ARAP2: variants seen among roughly 807,000 people sequenced by gnomAD.
The protein encoded by ARAP2 is arf-GAP with Rho-GAP domain, ANK repeat and PH domain-containing protein 2.
Under a neutral mutation model 194.5 loss-of-function variants are expected in ARAP2, and 148 were observed. The ratio of observed to expected loss-of-function variants is 0.76; its 90% CI spans 0.67 to 0.87. The LOEUF (loss-of-function observed/expected upper bound fraction) is 0.87. ARAP2 is among the 40% of genes least tolerant of loss of function. ARAP2 has a pLI of 0.00. For synonymous variants in ARAP2, 695 were observed against 683.5 expected (o/e 1.02, Z -0.26); for missense variants, 2,128 against 1,989.7 (o/e 1.07, Z -1.32).
At chr4:36,100,897 C>T (rs2109430051) in intron 27 of ARAP2, among the ~76,000 whole-genome samples, 1 of 152,038 alleles carries the variant, frequency 6.6e-6, no homozygotes, top group South Asian at 2.1e-4. Flanking sequence ...AGTATGCCCC[C>T]TTCACTCCAA....
chr4:36,095,737 T>C (rs1217230949), intron 27 of ARAP2, among the ~76,000 whole-genome samples: 1 of 152,164 alleles, frequency 6.6e-6, no homozygotes, highest in East Asian at 1.9e-4. Context: ...TTTGTCAGTA[T>C]ATCTCCAGTC....
intron 13 of ARAP2, chr4:36,159,799 A>G (rs1375074300): frequency 4.9e-6 from 1 of 205,666 alleles, no homozygotes; most frequent in Non-Finnish European, 9.6e-6. Flanking sequence ...ATGCTTACAT[A>G]CTATGATAAT....
At chr4:36,013,896 T>C (rs9992098) in intron 8 of ARAP2, among the ~76,000 whole-genome samples, 25,138 of 151,938 alleles carry the variant, frequency 0.17, 4,586 homozygotes, top group African/African-American at 0.46. Flanking sequence ...TTAGAACATA[T>C]TTCTCATCAA....
intron 5 of ARAP2, among the ~76,000 whole-genome samples, chr4:36,033,349 G>T (rs999871660): frequency 6.6e-6 from 1 of 152,086 alleles, no homozygotes; most frequent in Non-Finnish European, 1.5e-5. Flanking sequence ...CATTCTGACT[G>T]GTGTGAGATG....
intron 15 of ARAP2, among the ~76,000 whole-genome samples, chr4:36,154,139 T>C (rs994255180): frequency 2.0e-5 from 3 of 152,128 alleles, no homozygotes; most frequent in Non-Finnish European, 2.9e-5. Flanking sequence ...ACTCAAAAAA[T>C]GTATTACGGT....
intron 6 of ARAP2, chr4:36,016,075 T>TGCCA (rs1246341115): frequency 1.3e-5 from 2 of 152,126 alleles, no homozygotes; most frequent in Non-Finnish European, 2.9e-5. Context: ...ATACACACAT[T>TGCCA]AGAGTACATG....
At chr4:36,219,071 AC>A (rs1223419845) in intron 2 of ARAP2, among the ~76,000 whole-genome samples, 1 of 152,204 alleles carries the variant, frequency 6.6e-6, no homozygotes, top group Non-Finnish European at 1.5e-5. Flanking sequence ...AACAAAAAAC[AC>A]ACAAATGTTG....
chr4:36,022,629 C>T (rs1717193925), intron 5 of ARAP2, among the ~76,000 whole-genome samples: 1 of 152,070 alleles, frequency 6.6e-6, no homozygotes, highest in South Asian at 2.1e-4. Context: ...AGTCTTTTCT[C>T]AAGAAAGTCA....
chr4:36,150,106 C>G (rs1340000371), intron 16 of ARAP2, among the ~76,000 whole-genome samples: 1 of 152,050 alleles, frequency 6.6e-6, no homozygotes, highest in Non-Finnish European at 1.5e-5. Flanking sequence ...TTAATCTATT[C>G]ATTGTTACTT....
At chr4:36,179,544 C>A (rs145936021) in intron 8 of ARAP2, among the ~76,000 whole-genome samples, 55 of 152,280 alleles carry the variant, frequency 3.6e-4, no homozygotes, top group Non-Finnish European at 1.0e-4. Context: ...AAGAAACTGG[C>A]AAACCTTGAG....
At chr4:36,191,418 GA>G (rs957449713) in intron 7 of ARAP2, among the ~76,000 whole-genome samples, 1 of 151,414 alleles carries the variant, frequency 6.6e-6, no homozygotes, top group African/African-American at 2.4e-5. Flanking sequence ...TAGAATAATA[GA>G]AAAAAATAAT....
At chr4:36,234,317 C>A (rs1308432578) in intron 1 of ARAP2, among the ~76,000 whole-genome samples, 2 of 152,132 alleles carry the variant, frequency 1.3e-5, no homozygotes, top group Non-Finnish European at 2.9e-5. Context: ...GGCAGAAGGG[C>A]AAGGGGAAAA....
In ARAP2 at chr4:36,107,667, C is replaced by T. The variant is rs1718766540; in HGVS notation, c.4183G>A (p.Val1395Ile). ...CTCCACCGAAGCACCTGCTCCAGTA[C>T]ATTTTCCTTGTAGTGAAGAGGACGC... The part of the protein sequence containing the change: ...LERPLHYKEN[V>I]LEQVLRWSSL... The change falls in exon 27 of 33, where the codon GTA becomes ATA. Residue 1395 changes from valine to isoleucine, a missense_variant. Val to Ile is a conservative substitution (Grantham distance 29). Coordinates refer to ENST00000303965, the MANE Select transcript of ARAP2 (RefSeq NM_015230.4). 3.7e-6 allele frequency: 6 copies of T among 1,609,374 alleles called. No homozygotes were observed. Among genetic ancestry groups the T allele is most frequent in the Non-Finnish European group, 5.1e-6 (6 of 1,177,244 alleles).
chr4:36,053,982 C>T (rs1456044715), intron 2 of ARAP2, among the ~76,000 whole-genome samples: 1 of 152,160 alleles, frequency 6.6e-6, no homozygotes, highest in Non-Finnish European at 1.5e-5. Context: ...AGAATGAATG[C>T]AAAGGGAACT....
intron 20 of ARAP2, among the ~76,000 whole-genome samples, chr4:36,132,678 A>AT (rs1261767138): frequency 6.6e-6 from 1 of 151,916 alleles, no homozygotes. Flanking sequence ...AGATCAATGT[A>AT]TTTTTTATCT....
chr4:36,190,645 C>T (rs1485171382), intron 7 of ARAP2, among the ~76,000 whole-genome samples: 1 of 152,054 alleles, frequency 6.6e-6, no homozygotes, highest in Non-Finnish European at 1.5e-5. Flanking sequence ...CTGAATTTTC[C>T]TGCATATTAT....
chr4:36,230,707 T>C (rs746794586), intron 1 of ARAP2, among the ~76,000 whole-genome samples: 1 of 152,148 alleles, frequency 6.6e-6, no homozygotes, highest in Admixed American at 6.5e-5. Context: ...ATGACACACA[T>C]ACACTGAAGT....
intron 2 of ARAP2, among the ~76,000 whole-genome samples, chr4:36,221,304 G>A (rs1749113307): frequency 6.6e-6 from 1 of 151,880 alleles, no homozygotes; most frequent in Non-Finnish European, 1.5e-5. Flanking sequence ...CATCGTCAAA[G>A]GACTCATGCA....
rs772023091 is a variant in ARAP2 at position 36,213,240 on chromosome 4, A to T, written c.1041+3T>A. The T allele has an allele frequency of 6.3e-7, 1 of 1,581,712 alleles. No individual in the cohort carries two copies. The highest frequency in any genetic ancestry group is 8.7e-7 in the Non-Finnish European group (1 of 1,151,538). On this transcript the variant is annotated splice_donor_region_variant and intron_variant, in intron 4 of 32. Transcript: ENST00000303965. ...GAAAACAATTAAAATGTATGGGACT[A>T]ACCTTGGAATTTTCTAGTCTCTGGA...
Sources: allele counts gnomAD v4.1 joint callset (sites outside exome capture counted in the v4.1 genomes callset), GRCh38; gene constraint gnomAD v4.1.1; transcripts MANE v1.5; gene names NCBI Gene and HGNC (gene_info 2026-07-23, HGNC 2026-07-21).